The following FRMPD4 variants were observed in gnomAD, a reference collection of about 807,000 sequenced individuals.
FRMPD4 encodes FERM and PDZ domain containing 4.
Under a neutral mutation model 94.1 loss-of-function variants are expected in FRMPD4, and 22 were observed. That is an observed-to-expected ratio of 0.23 (90% CI 0.17 to 0.33). The LOEUF (loss-of-function observed/expected upper bound fraction) is 0.33, where lower values mean the gene tolerates loss of function less well. Ranked by LOEUF, FRMPD4 falls within the 10% of genes least tolerant of loss-of-function variation. FRMPD4 has a pLI of 1.00. For synonymous variants in FRMPD4, 631 were observed against 548.6 expected, an observed-to-expected ratio of 1.15 and a Z score of -2.10; for missense variants, 1,111 against 1,339.9, an observed-to-expected ratio of 0.83 and a Z score of 2.67.
At chrX:12,077,822 A>C (rs2055032444) in intron 3 of FRMPD4, among the ~76,000 whole-genome samples, 1 of 111,824 alleles carries the variant, frequency 8.9e-6, no homozygotes, top group Admixed American at 9.5e-5. Flanking sequence ...ACATGGCTCC[A>C]CACTTTTCCT....
At chrX:12,274,765 T>C (rs1340044703) in intron 1 of FRMPD4, among the ~76,000 whole-genome samples, 3 of 112,526 alleles carry the variant, frequency 2.7e-5, no homozygotes, top group African/African-American at 9.7e-5. Context: ...ATCCCAGCAC[T>C]TTGGGAGGCC....
chrX:12,040,266 G>A (rs2054745627), intron 3 of FRMPD4, among the ~76,000 whole-genome samples: 1 of 103,308 alleles, frequency 9.7e-6, no homozygotes, highest in Admixed American at 1.0e-4. Context: ...CTGACATATT[G>A]ATCCTTTCAT....
intron 2 of FRMPD4, among the ~76,000 whole-genome samples, chrX:12,532,300 A>G (rs2058293843): frequency 8.9e-6 from 1 of 111,899 alleles, no homozygotes; most frequent in Non-Finnish European, 1.9e-5. Flanking sequence ...TGTAGAGGCC[A>G]ACTCAGCCTC....
intron 3 of FRMPD4, among the ~76,000 whole-genome samples, chrX:11,984,596 A>G (rs2054416991): frequency 1.8e-5 from 2 of 112,268 alleles, no homozygotes; most frequent in Non-Finnish European, 3.8e-5. Flanking sequence ...AGTTGAACCA[A>G]TTGAGATGGT....
At chrX:12,385,192 T>A (rs1386878001) in intron 1 of FRMPD4, among the ~76,000 whole-genome samples, 2 of 112,550 alleles carry the variant, frequency 1.8e-5, no homozygotes, top group African/African-American at 6.5e-5. Context: ...CACAGTAAGG[T>A]GGAAAGACAC....
At chrX:12,282,047 T>G (rs547330685) in intron 1 of FRMPD4, among the ~76,000 whole-genome samples, 1 of 112,426 alleles carries the variant, frequency 8.9e-6, no homozygotes, top group African/African-American at 3.2e-5. Context: ...TGATACAAAT[T>G]TAATCATAAA....
intron 4 of FRMPD4, among the ~76,000 whole-genome samples, chrX:12,629,408 G>T (rs575977558): frequency 3.6e-5 from 4 of 111,753 alleles, no homozygotes; most frequent in Admixed American, 9.5e-5. Context: ...AAAGACATAG[G>T]GGGGTAGAAG....
chrX:12,679,022 A>G (rs1338797063), intron 5 of FRMPD4, among the ~76,000 whole-genome samples: 1 of 112,175 alleles, frequency 8.9e-6, no homozygotes, highest in African/African-American at 3.2e-5. Context: ...TGTGTTCCAC[A>G]CAGCTGAGAG....
rs374227756 is a variant in FRMPD4, at chrX:12,519,291, A to G, written c.158+20495A>G. Among the ~76,000 whole-genome samples the G allele has an allele frequency of 3.8e-4, 43 of 112,733 alleles. No homozygotes were observed. In the East Asian group the frequency reaches 4.1e-3, roughly 11 times the overall value. ...GGAGGATTCACATTTTCTGATTTCA[A>G]AAAATATTATAAAAGCTTTGGTAAT... On this transcript the variant is annotated intron_variant, in intron 2 of 16. Coordinates refer to ENST00000675598, the MANE Select transcript of FRMPD4 (RefSeq NM_001368397.1).
chrX:12,189,148 C>T (rs1233966476), intron 1 of FRMPD4, among the ~76,000 whole-genome samples: 3 of 111,393 alleles, frequency 2.7e-5, no homozygotes, highest in African/African-American at 9.8e-5. Flanking sequence ...ATTAAAGGAA[C>T]ATTATGAACA....
chrX:12,236,978 A>G (rs780922180), intron 1 of FRMPD4, among the ~76,000 whole-genome samples: 1 of 111,934 alleles, frequency 8.9e-6, no homozygotes, highest in Admixed American at 9.5e-5. Flanking sequence ...GCAGCTAAAC[A>G]TCCTACAATG....
intron 3 of FRMPD4, among the ~76,000 whole-genome samples, chrX:11,902,316 G>GGA (rs2053942964): frequency 9.0e-6 from 1 of 111,521 alleles, no homozygotes; most frequent in Admixed American, 9.5e-5. Flanking sequence ...TCTGGAGGCT[G>GGA]GAGAGTCCAA....
intron 3 of FRMPD4, among the ~76,000 whole-genome samples, chrX:12,113,612 G>A (rs1007618451): frequency 8.9e-6 from 1 of 111,778 alleles, no homozygotes; most frequent in Non-Finnish European, 1.9e-5. Context: ...TAAAGCCCCT[G>A]TGATTAAATT....
At chrX:12,625,138 T>C (rs1308920456) in intron 4 of FRMPD4, among the ~76,000 whole-genome samples, 1 of 111,616 alleles carries the variant, frequency 9.0e-6, no homozygotes, top group African/African-American at 3.3e-5. Context: ...CAATAACAAA[T>C]GCTGGAGAGG....
intron 1 of FRMPD4, among the ~76,000 whole-genome samples, chrX:12,232,082 C>T (rs1370418830): frequency 9.0e-6 from 1 of 111,352 alleles, no homozygotes; most frequent in African/African-American, 3.3e-5. Flanking sequence ...GTATGGTCAC[C>T]TGTAAGAACC....
At chrX:11,983,800 T>G (rs1263296918) in intron 3 of FRMPD4, among the ~76,000 whole-genome samples, 1 of 111,634 alleles carries the variant, frequency 9.0e-6, no homozygotes, top group Non-Finnish European at 1.9e-5. Context: ...ATAAAAAATA[T>G]TAACTTTATT....
rs143807371 is a variant in FRMPD4, at chrX:11,922,960, C to A, written c.95+44942C>A. ...GCCCCAGCCAGGCCATGCCTACTTA[C>A]AGGGCAGTCTCAGGTGCTCTGGGGA... On this transcript the variant is annotated intron_variant, in intron 3 of 18. Coordinates refer to the FRMPD4 transcript ENST00000640291. Among the ~76,000 whole-genome samples the A allele has an allele frequency of 6.7e-3, 758 of 112,941 alleles. 7 individuals are homozygous for A. The highest frequency in any genetic ancestry group is 0.022 in the African/African-American group (700 of 31,162).
At chrX:12,364,092 A>G (rs778075039) in intron 1 of FRMPD4, among the ~76,000 whole-genome samples, 2 of 111,436 alleles carry the variant, frequency 1.8e-5, no homozygotes, top group African/African-American at 6.5e-5. Flanking sequence ...ATTTTTTCTC[A>G]AGATAGATGA....
intron 1 of FRMPD4, among the ~76,000 whole-genome samples, chrX:12,169,234 G>A (rs965849054): frequency 2.7e-5 from 3 of 111,719 alleles, no homozygotes; most frequent in Non-Finnish European, 5.6e-5. Context: ...CAAAGGAAAG[G>A]GGTAGTGGGA....
Sources: allele counts gnomAD v4.1 joint callset (sites outside exome capture counted in the v4.1 genomes callset), GRCh38; gene constraint gnomAD v4.1.1; transcripts MANE v1.5; gene names NCBI Gene and HGNC (gene_info 2026-07-23, HGNC 2026-07-21).